The following RYR3 variants were observed in gnomAD, a reference collection of about 807,000 sequenced individuals.
The protein encoded by RYR3 is brain ryanodine receptor-calcium release channel.
RYR3 carries 207 observed loss-of-function variants against 584.3 expected under a neutral mutation model. The observed-to-expected ratio is 0.35, with a 90% CI of 0.32 to 0.40. The LOEUF is 0.40. RYR3 is among the 10% of genes least tolerant of loss of function. The pLI is 1.00. For synonymous variants in RYR3, 2,416 were observed against 2,248.5 expected, an observed-to-expected ratio of 1.07 and a Z score of -2.11; for missense variants, 5,616 against 6,089.2, an observed-to-expected ratio of 0.92 and a Z score of 2.59.
chr15:33,839,705 T>A (rs912010911), intron 89 of RYR3: 10 of 152,260 alleles, frequency 6.6e-5, no homozygotes, highest in Non-Finnish European at 1.2e-4. Flanking sequence ...AGAAACACAC[T>A]GTCCCTACAG....
intron 12 of RYR3, among the ~76,000 whole-genome samples, chr15:33,574,207 T>C (rs996562131): frequency 1.3e-5 from 2 of 152,216 alleles, no homozygotes; most frequent in African/African-American, 4.8e-5. Context: ...AAAATGTCTA[T>C]AAACCTCTTG....
chr15:33,810,457 T>G (rs759059103), intron 70 of RYR3, 22 bp from the exon 71 acceptor site: 2 of 1,613,356 alleles, frequency 1.2e-6, no homozygotes, highest in Non-Finnish European at 1.7e-6. Context: ...CCCTCTCTGT[T>G]TATTTCAACA....
intron 2 of RYR3, among the ~76,000 whole-genome samples, chr15:33,485,578 G>C (rs185471276): frequency 6.6e-6 from 1 of 152,202 alleles, no homozygotes; most frequent in East Asian, 1.9e-4. Context: ...GAAGGAAAAC[G>C]TCAAGGATGA....
At chr15:33,583,639 G>C (rs1305638362) in intron 14 of RYR3, among the ~76,000 whole-genome samples, 1 of 152,182 alleles carries the variant, frequency 6.6e-6, no homozygotes, top group South Asian at 2.1e-4. Flanking sequence ...ATAGAAAGAG[G>C]TTGGGTGTGG....
intron 1 of RYR3, among the ~76,000 whole-genome samples, chr15:33,383,158 G>A (rs1467153912): frequency 6.6e-6 from 1 of 151,464 alleles, no homozygotes; most frequent in Non-Finnish European, 1.5e-5. Flanking sequence ...GTAAGTGATG[G>A]GGGTAACAGT....
At chr15:33,320,937 G>A (rs1968881171) in intron 1 of RYR3, among the ~76,000 whole-genome samples, 2 of 152,166 alleles carry the variant, frequency 1.3e-5, no homozygotes, top group African/African-American at 2.4e-5. Flanking sequence ...TTGATTCCTG[G>A]CATTCTGCTT....
At chr15:33,831,134 G>A (rs935346693) in intron 86 of RYR3, 43 bp downstream of exon 86, 1 of 1,578,666 alleles carries the variant, frequency 6.3e-7, no homozygotes, top group Admixed American at 1.7e-5. Context: ...AGAGAACATT[G>A]TTGATATGCC....
chr15:33,578,785 C>CAAAAA (rs5811778), intron 12 of RYR3, among the ~76,000 whole-genome samples: 2 of 149,598 alleles, frequency 1.3e-5, no homozygotes, highest in Admixed American at 6.6e-5. Flanking sequence ...AAAACAACAA[C>CAAAAA]AAAAAAAAAC....
chr15:33,731,921 G>A (rs1323770895), intron 48 of RYR3, among the ~76,000 whole-genome samples: 1 of 152,180 alleles, frequency 6.6e-6, no homozygotes, highest in Non-Finnish European at 1.5e-5. Flanking sequence ...GCACAGCTCA[G>A]GCTTTACCCA....
At chr15:33,416,976 C>G (rs2043860115) in intron 1 of RYR3, among the ~76,000 whole-genome samples, 1 of 151,996 alleles carries the variant, frequency 6.6e-6, no homozygotes, top group Admixed American at 6.6e-5. Flanking sequence ...TTTTTGTTGA[C>G]TTTGTTGAAG....
chr15:33,757,653 CA>C, intron 60 of RYR3, 57 bp downstream of exon 60: 1 of 1,564,318 alleles, frequency 6.4e-7, no homozygotes, highest in Non-Finnish European at 8.7e-7. Context: ...CTTAAAATGC[CA>C]GGTCCCTGTG....
chr15:33,606,405 C>T (rs2059906303), intron 18 of RYR3, among the ~76,000 whole-genome samples: 1 of 152,134 alleles, frequency 6.6e-6, no homozygotes, highest in Non-Finnish European at 1.5e-5. Flanking sequence ...TAGGGCTACC[C>T]CAGGAATATC....
At chr15:33,729,284 C>T (rs1303793131) in intron 47 of RYR3, among the ~76,000 whole-genome samples, 1 of 152,050 alleles carries the variant, frequency 6.6e-6, no homozygotes, top group Non-Finnish European at 1.5e-5. Flanking sequence ...TGTTAAGGGG[C>T]TATCCTGTGC....
At chr15:33,679,341 G>T (rs929592599) in intron 38 of RYR3, among the ~76,000 whole-genome samples, 1 of 152,098 alleles carries the variant, frequency 6.6e-6, no homozygotes, top group Non-Finnish European at 1.5e-5. Flanking sequence ...TTTGATAATG[G>T]CCACTTACTC....
At chr15:33,629,312 TG>T (rs1372491986) in intron 21 of RYR3, among the ~76,000 whole-genome samples, 1 of 152,246 alleles carries the variant, frequency 6.6e-6, no homozygotes. Context: ...ACTTGAAGTG[TG>T]ACTAGTTTGG....
intron 65 of RYR3, among the ~76,000 whole-genome samples, chr15:33,782,068 T>C (rs987140805): frequency 1.1e-4 from 17 of 152,178 alleles, no homozygotes; most frequent in African/African-American, 4.1e-4. Context: ...TGGATATGTA[T>C]ACATTTATTC....
chr15:33,578,797 C>A (rs1259261599), intron 12 of RYR3, among the ~76,000 whole-genome samples: 5 of 137,748 alleles, frequency 3.6e-5, no homozygotes, highest in African/African-American at 1.2e-4. Flanking sequence ...AAAAAAAACT[C>A]CTCGTGATGT....
At chr15:33,386,950 C>T (rs545023796) in intron 1 of RYR3, among the ~76,000 whole-genome samples, 8 of 152,148 alleles carry the variant, frequency 5.3e-5, no homozygotes, top group South Asian at 2.1e-4. Context: ...CTCCGCCTCC[C>T]AGGTTCATGC....
At chr15:33,669,594 A>G (rs947604365) in intron 37 of RYR3, 138 bp downstream of exon 37, 13 of 701,318 alleles carry the variant, frequency 1.9e-5, no homozygotes, top group Non-Finnish European at 2.4e-5. Context: ...AGACGTGACT[A>G]TCCTAGCTAC....
Sources: allele counts gnomAD v4.1 joint callset (sites outside exome capture counted in the v4.1 genomes callset), GRCh38; gene constraint gnomAD v4.1.1; transcripts MANE v1.5; gene names NCBI Gene and HGNC (gene_info 2026-07-23, HGNC 2026-07-21).